The following ATRNL1 variants were observed in gnomAD, a reference collection of about 807,000 sequenced individuals.
The protein encoded by ATRNL1 is attractin-like protein 1.
ATRNL1 carries 95 observed loss-of-function variants against 182.7 expected under a neutral mutation model. The observed-to-expected ratio is 0.52, with a 90% confidence interval of 0.44 to 0.62. The LOEUF (loss-of-function observed/expected upper bound fraction) is 0.62. Ranked by LOEUF, ATRNL1 falls within the 20% of genes least tolerant of loss-of-function variation. The pLI is 0.00. For synonymous variants in ATRNL1, 576 were observed against 568.3 expected (o/e 1.01, Z -0.19); for missense variants, 1,471 against 1,679.5 (o/e 0.88, Z 2.17).
chr10:115,101,864 T>G (rs1385695164), intron 1 of ATRNL1, among the ~76,000 whole-genome samples: 3 of 152,224 alleles, frequency 2.0e-5, no homozygotes, highest in Non-Finnish European at 4.4e-5. Flanking sequence ...TAATATACAT[T>G]CAACTTATTT....
At chr10:115,184,177 T>G (rs1564804123) in intron 8 of ATRNL1, among the ~76,000 whole-genome samples, 1 of 151,414 alleles carries the variant, frequency 6.6e-6, no homozygotes, top group African/African-American at 2.4e-5. Flanking sequence ...TCATTGGTAT[T>G]AAAAAAATCA....
At chr10:115,286,542 C>A (rs1447409204) in intron 15 of ATRNL1, 145 bp downstream of exon 15, 1 of 545,962 alleles carries the variant, frequency 1.8e-6, no homozygotes, top group African/African-American at 1.9e-5. Context: ...TGGCAGAAGA[C>A]TTATTTTGTA....
At chr10:115,670,993 G>A (rs1945680555) in intron 26 of ATRNL1, among the ~76,000 whole-genome samples, 1 of 152,120 alleles carries the variant, frequency 6.6e-6, no homozygotes, top group Non-Finnish European at 1.5e-5. Flanking sequence ...AGAGGTTAAG[G>A]ATTAAATTGG....
At chr10:115,671,633 T>C (rs1945699872) in intron 26 of ATRNL1, among the ~76,000 whole-genome samples, 1 of 152,052 alleles carries the variant, frequency 6.6e-6, no homozygotes, top group African/African-American at 2.4e-5. Context: ...AGGACAAAGA[T>C]GAGAGCATGA....
intron 27 of ATRNL1, among the ~76,000 whole-genome samples, chr10:115,778,859 A>G (rs1285258778): frequency 6.6e-6 from 1 of 152,218 alleles, no homozygotes; most frequent in Non-Finnish European, 1.5e-5. Flanking sequence ...ACGTGAACCA[A>G]GGACACTGAA....
At position 115,947,127 on chromosome 10, in the gene ATRNL1, T is replaced by C. The variant is rs1953892520; in HGVS notation, c.*2348T>C. On this transcript the variant is annotated 3_prime_UTR_variant, in exon 29 of 29. Transcript: ENST00000355044. Reference sequence around the variant, plus strand: ...CAATTAATTCTCAACGTATCAAAGCTTTTCACTGGCAGTAAATTCTTTGCC... The same window carrying C: ...CAATTAATTCTCAACGTATCAAAGCCTTTCACTGGCAGTAAATTCTTTGCC... 1 of 152,628 alleles carries C rather than the reference T, an allele frequency of 6.6e-6. No individual in the cohort carries two copies. Among genetic ancestry groups the C allele is most frequent in the African/African-American group, 2.4e-5 (1 of 41,454 alleles). 9.5% of individuals were successfully genotyped at this position (152,628 alleles called of 1,614,324 possible). A position where few individuals can be genotyped will look rare whatever the true frequency, so the allele number is the denominator to read the frequency against.
At chr10:115,850,071 T>G (rs551013350) in intron 28 of ATRNL1, among the ~76,000 whole-genome samples, 1 of 152,324 alleles carries the variant, frequency 6.6e-6, no homozygotes, top group East Asian at 1.9e-4. Flanking sequence ...TTTTTCAAGC[T>G]CTTAGAGGAG....
intron 26 of ATRNL1, among the ~76,000 whole-genome samples, chr10:115,665,455 GTA>G (rs1197657278): frequency 1.3e-5 from 2 of 152,076 alleles, no homozygotes; most frequent in Non-Finnish European, 2.9e-5. Context: ...ACCTGCGTAA[GTA>G]TTTATATGCA....
At chr10:115,569,776 CTTTT>C (rs10581276) in intron 26 of ATRNL1, among the ~76,000 whole-genome samples, 3,387 of 150,262 alleles carry the variant, frequency 0.023, 73 homozygotes, top group East Asian at 0.12. Flanking sequence ...TCTTTAAATA[CTTTT>C]TTTTTTTTTT....
chr10:115,169,821 A>G (rs1554885118), intron 7 of ATRNL1, among the ~76,000 whole-genome samples: 2 of 152,048 alleles, frequency 1.3e-5, no homozygotes, highest in East Asian at 1.9e-4. Context: ...TATTTAAACA[A>G]TGTTTTGTAA....
At chr10:115,121,264 C>T (rs899732864) in intron 2 of ATRNL1, among the ~76,000 whole-genome samples, 15 of 152,016 alleles carry the variant, frequency 9.9e-5, no homozygotes, top group Non-Finnish European at 1.9e-4. Flanking sequence ...AGGTGCATGC[C>T]GCCATGCGCA....
intron 19 of ATRNL1, among the ~76,000 whole-genome samples, chr10:115,354,232 A>G (rs1249091091): frequency 6.6e-6 from 1 of 152,134 alleles, no homozygotes; most frequent in Admixed American, 6.6e-5. Flanking sequence ...CTGTTAGAGT[A>G]TTCTGAATTT....
At chr10:115,403,955 A>T (rs1844703245) in intron 20 of ATRNL1, among the ~76,000 whole-genome samples, 2 of 152,336 alleles carry the variant, frequency 1.3e-5, no homozygotes, top group African/African-American at 2.4e-5. Flanking sequence ...AAAAGCATAC[A>T]TCTGAAAATA....
At chr10:115,377,333 C>G (rs1409391235) in intron 19 of ATRNL1, among the ~76,000 whole-genome samples, 1 of 152,136 alleles carries the variant, frequency 6.6e-6, no homozygotes, top group African/African-American at 2.4e-5. Context: ...GTCTTGCTGA[C>G]ACCTTGTAAA....
chr10:115,744,820 G>A (rs1475571895), intron 27 of ATRNL1, among the ~76,000 whole-genome samples: 1 of 151,962 alleles, frequency 6.6e-6, no homozygotes, highest in Non-Finnish European at 1.5e-5. Context: ...AATTGTGAGG[G>A]CAATATAGTT....
At chr10:115,169,643 C>A (rs146176988) in intron 7 of ATRNL1, among the ~76,000 whole-genome samples, 141 of 152,208 alleles carry the variant, frequency 9.3e-4, no homozygotes, top group African/African-American at 3.2e-3. Flanking sequence ...TTGTCAGTTT[C>A]TACAAAGAAG....
chr10:115,430,422 A>AT (rs1447119708), intron 21 of ATRNL1, among the ~76,000 whole-genome samples: 3 of 151,750 alleles, frequency 2.0e-5, no homozygotes, highest in Admixed American at 6.6e-5. Context: ...TAAAATTATC[A>AT]TTTTTTTACA....
chr10:115,550,640 G>A (rs1398915264), intron 26 of ATRNL1, among the ~76,000 whole-genome samples: 1 of 151,784 alleles, frequency 6.6e-6, no homozygotes, highest in Non-Finnish European at 1.5e-5. Flanking sequence ...ATGACTGTAT[G>A]TTAAAAAGTA....
intron 7 of ATRNL1, among the ~76,000 whole-genome samples, chr10:115,168,438 A>G (rs1847143273): frequency 6.6e-6 from 1 of 152,124 alleles, no homozygotes; most frequent in Admixed American, 6.6e-5. Context: ...CCAGCCATGT[A>G]TGAGGGTTTC....
Sources: allele counts gnomAD v4.1 joint callset (sites outside exome capture counted in the v4.1 genomes callset), GRCh38; gene constraint gnomAD v4.1.1; transcripts MANE v1.5; gene names NCBI Gene and HGNC (gene_info 2026-07-23, HGNC 2026-07-21).